TOP1: variants seen among roughly 807,000 people sequenced by gnomAD.
The protein encoded by TOP1 is DNA topoisomerase I.
Under a neutral mutation model 111.1 loss-of-function variants are expected in TOP1, and 10 were observed. The ratio of observed to expected loss-of-function variants is 0.09; its 90% CI spans 0.06 to 0.15. The LOEUF (loss-of-function observed/expected upper bound fraction) is 0.15. TOP1 is among the 10% of genes least tolerant of loss of function. The pLI is 1.00. For synonymous variants in TOP1, 271 were observed against 302.9 expected (o/e 0.89, Z 1.10); for missense variants, 474 against 926.7 (o/e 0.51, Z 6.34).
rs1408489568 is a variant in TOP1, at chr20:41,122,440, C to T, written c.2195+285C>T. Among the ~76,000 whole-genome samples, 1 of 151,478 alleles carries T rather than the reference C, an allele frequency of 6.6e-6. No homozygotes were observed. The highest frequency in any genetic ancestry group is 6.6e-5 in the Admixed American group (1 of 15,144). On this transcript the variant is annotated intron_variant, in intron 20 of 20. Transcript: ENST00000361337. This position sits in a 1 kb window ranked among gnomAD's most constrained non-coding sequence, Gnocchi z 5.4. ...CCCTATTCCTAATGGAACTTTAGGACAGGAATGGAAACTCTTAGCTTCTGG... is the reference window on the plus strand; with the variant it reads ...CCCTATTCCTAATGGAACTTTAGGATAGGAATGGAAACTCTTAGCTTCTGG...
rs1714586069 is a variant in TOP1 at position 41,112,547 on chromosome 20, G to T, written c.1309-235G>T. On this transcript the variant is annotated intron_variant, in intron 13 of 20. Coordinates refer to ENST00000361337, the MANE Select transcript of TOP1 (RefSeq NM_003286.4). This position sits in a 1 kb window ranked among gnomAD's most constrained non-coding sequence, Gnocchi z 5.8. ...CTATTCTTTTTTACGTTTGCTTAAGGTCAAGTTCCTGCTCTTTTGTTCAAA... is the reference window on the plus strand; with the variant it reads ...CTATTCTTTTTTACGTTTGCTTAAGTTCAAGTTCCTGCTCTTTTGTTCAAA... Among the ~76,000 whole-genome samples, 1 of 152,186 alleles carries T rather than the reference G, an allele frequency of 6.6e-6. No individual in the cohort carries two copies.
chr20:41,100,792 C>A lies in TOP1; in HGVS notation c.1164-417C>A, dbSNP rs1431369956. 6.0e-6 allele frequency: 1 copy of A among 168,052 alleles called. No homozygotes were observed. Among genetic ancestry groups the A allele is most frequent in the African/African-American group, 2.4e-5 (1 of 41,774 alleles). The allele number at this position is 168,052 out of a possible 1,614,324, so 10.4% of individuals were successfully genotyped here. A position where few individuals can be genotyped will look rare whatever the true frequency, so the allele number is the denominator to read the frequency against. On this transcript the variant is annotated intron_variant, in intron 12 of 20. Coordinates refer to ENST00000361337, the MANE Select transcript of TOP1 (RefSeq NM_003286.4). This position sits in a 1 kb window ranked among gnomAD's most constrained non-coding sequence, Gnocchi z 4.4. ...ACATCACCACTTTCACACTTTGGGG[C>A]CTTTATTAAGTAAAAGAAGGATTAC...
In TOP1 at chr20:41,100,047, G is replaced by A. The variant is rs1433514234; in HGVS notation, c.976-9G>A. ...AATCTATTTTGAGTACTTTCTTGCT[G>A]TCTTCCAGAAAATCAAAGAGGAGAA... On this transcript the variant is annotated splice_polypyrimidine_tract_variant and intron_variant, in intron 11 of 20. Coordinates refer to ENST00000361337, the MANE Select transcript of TOP1 (RefSeq NM_003286.4). The surrounding 1 kb of genome is among the most constrained non-coding windows in gnomAD (Gnocchi z 4.4). The A allele has an allele frequency of 7.5e-6, 12 of 1,598,412 alleles. No individual in the cohort carries two copies. The highest frequency in any genetic ancestry group is 1.7e-5 in the Admixed American group (1 of 59,498).
At chr20:41,064,415 C>T (rs911473858) in intron 3 of TOP1, among the ~76,000 whole-genome samples, 3 of 152,214 alleles carry the variant, frequency 2.0e-5, no homozygotes, top group Non-Finnish European at 4.4e-5. Context: ...TCTTCTTTGG[C>T]TTTAATGCTT....
At position 41,092,609 on chromosome 20, in the gene TOP1, G is replaced by A. The variant is rs2033933196; in HGVS notation, c.730+22G>A. 4.8e-6 allele frequency: 6 copies of A among 1,241,296 alleles called. No homozygotes were observed. The highest frequency in any genetic ancestry group is 6.9e-6 in the Non-Finnish European group (6 of 868,784). 76.9% of individuals were successfully genotyped at this position (1,241,296 alleles called of 1,614,324 possible). A position where few individuals can be genotyped will look rare whatever the true frequency, so the allele number is the denominator to read the frequency against. On this transcript the variant is annotated intron_variant, in intron 9 of 20. Coordinates refer to ENST00000361337, the MANE Select transcript of TOP1 (RefSeq NM_003286.4). The surrounding 1 kb of genome is among the most constrained non-coding windows in gnomAD (Gnocchi z 4.3). ...GATGGTGAGTTGTTTCAAGGTTCTT[G>A]ATTCTTGGCCAGGAAAAGAAATCTG...
intron 2 of TOP1, among the ~76,000 whole-genome samples, chr20:41,055,908 A>G (rs2033464693): frequency 6.6e-6 from 1 of 152,196 alleles, no homozygotes; most frequent in Non-Finnish European, 1.5e-5. Flanking sequence ...ATGCCCTCAC[A>G]TAATAACACA....
intron 3 of TOP1, among the ~76,000 whole-genome samples, chr20:41,062,909 TTTTC>T (rs990329082): frequency 2.0e-5 from 3 of 152,224 alleles, no homozygotes; most frequent in Admixed American, 1.3e-4. Flanking sequence ...GAATTTTCTC[TTTTC>T]TTTCTGTCTA....
rs1245664471 is a variant in TOP1 at position 41,034,882 on chromosome 20, A to C, written c.58+5427A>C. Among the ~76,000 whole-genome samples, 1 of 151,004 alleles carries C rather than the reference A, an allele frequency of 6.6e-6. No individual in the cohort carries two copies. Among genetic ancestry groups the C allele is most frequent in the African/African-American group, 2.4e-5 (1 of 40,990 alleles). ...CTTTTAATTTTAACTTCTTTCCTTT[A>C]CTTTTTTTTTGGGCGGGGTGGGGGG... On this transcript the variant is annotated intron_variant, in intron 2 of 20. Coordinates refer to ENST00000361337, the MANE Select transcript of TOP1 (RefSeq NM_003286.4). The surrounding 1 kb of genome is among the most constrained non-coding windows in gnomAD (Gnocchi z 4.0).
In TOP1 at chr20:41,094,418, A is replaced by C. The variant is rs2033958368; in HGVS notation, c.730+1831A>C. On this transcript the variant is annotated intron_variant, in intron 9 of 20. Transcript: ENST00000361337. The surrounding 1 kb of genome is among the most constrained non-coding windows in gnomAD (Gnocchi z 4.4). The stretch of plus-strand genomic sequence containing the variant: ...ACTTACCAAGAGCTTTAGGATGCTC[A>C]GCTGGTAAAGCCTCACTTTGAGGTT... Among the ~76,000 whole-genome samples the C allele has an allele frequency of 6.6e-6, 1 of 152,212 alleles. No homozygotes were observed. Among genetic ancestry groups the C allele is most frequent in the Non-Finnish European group, 1.5e-5 (1 of 68,036 alleles).
rs761486036 is a variant in TOP1, at chr20:41,030,772, A to G, written c.58+1317A>G. Among the ~76,000 whole-genome samples, 4 of 152,210 alleles carry G rather than the reference A, an allele frequency of 2.6e-5. No individual in the cohort carries two copies. The highest frequency in any genetic ancestry group is 4.4e-5 in the Non-Finnish European group (3 of 68,040). On this transcript the variant is annotated intron_variant, in intron 2 of 20. Coordinates refer to ENST00000361337, the MANE Select transcript of TOP1 (RefSeq NM_003286.4). The surrounding 1 kb of genome is among the most constrained non-coding windows in gnomAD (Gnocchi z 4.1). ...CTAATGTTGTAATCAGCAGTCCATC[A>G]TGTTAGCCTGCTCTACTGAGAGCAA...
At chr20:41,033,691 C>T (rs2033150383) in intron 2 of TOP1, among the ~76,000 whole-genome samples, 1 of 152,180 alleles carries the variant, frequency 6.6e-6, no homozygotes, top group Admixed American at 6.5e-5. Context: ...TCAGATTATA[C>T]TAAAACCATG....
rs151109468 is a variant in TOP1, at chr20:41,036,796, G to A, written c.58+7341G>A. On this transcript the variant is annotated intron_variant, in intron 2 of 20. Transcript: ENST00000361337. ...GTGTCTTCATATCTAGGTTTGGGCT[G>A]AGAAGGATCCAATTGTATATCTAGT... 2.2e-3 allele frequency among the ~76,000 whole-genome samples: 327 copies of A among 151,384 alleles called. 1 individual carries two copies. The highest frequency in any genetic ancestry group is 6.5e-3 in the African/African-American group (269 of 41,312).
At chr20:41,062,476 T>C (rs992176491) in intron 3 of TOP1, among the ~76,000 whole-genome samples, 2 of 152,224 alleles carry the variant, frequency 1.3e-5, no homozygotes, top group African/African-American at 2.4e-5. Flanking sequence ...CCCTCACTTA[T>C]CTCTTATCAC....
rs1177475205 is a variant in TOP1 at position 41,032,579 on chromosome 20, C to T, written c.58+3124C>T. Among the ~76,000 whole-genome samples the T allele has an allele frequency of 6.6e-6, 1 of 152,196 alleles. No individual in the cohort carries two copies. Among genetic ancestry groups the T allele is most frequent in the African/African-American group, 2.4e-5 (1 of 41,440 alleles). ...CAGAGGTCTTGAAGTTTTTGCCTGT[C>T]TGCTATGGAGATAGGGAGTTCTCCC... On this transcript the variant is annotated intron_variant, in intron 2 of 20. Coordinates refer to ENST00000361337, the MANE Select transcript of TOP1 (RefSeq NM_003286.4). The surrounding 1 kb of genome is among the most constrained non-coding windows in gnomAD (Gnocchi z 4.3).
intron 2 of TOP1, among the ~76,000 whole-genome samples, chr20:41,059,136 T>C (rs183516268): frequency 6.6e-6 from 1 of 151,920 alleles, no homozygotes; most frequent in Non-Finnish European, 1.5e-5. Flanking sequence ...CATGGACACA[T>C]GTAGGGGAAC....
chr20:41,093,220 A>G (rs1425373275), intron 9 of TOP1, among the ~76,000 whole-genome samples: 2 of 152,154 alleles, frequency 1.3e-5, no homozygotes, highest in Admixed American at 1.3e-4. Context: ...GAAGGATTTG[A>G]GGGTAGCCTT....
Position 41,118,772 on chromosome 20 carries a change from T to A in TOP1, c.1950+476T>A, listed in dbSNP as rs1426832219. 6.6e-6 allele frequency among the ~76,000 whole-genome samples: 1 copy of A among 152,230 alleles called. No homozygotes were observed. The highest frequency in any genetic ancestry group is 1.9e-4 in the East Asian group (1 of 5,202). On this transcript the variant is annotated intron_variant, in intron 18 of 20. Transcript: ENST00000361337. The surrounding 1 kb of genome is among the most constrained non-coding windows in gnomAD (Gnocchi z 4.6). ...TTACGCATTCCACATGAATCATATT[T>A]TTATATAGTTCATCATCAAACATCT...
chr20:41,110,420 TTGAC>T lies in TOP1; in HGVS notation c.1309-2358_1309-2355del, dbSNP rs1330454090. Among the ~76,000 whole-genome samples the T allele has an allele frequency of 6.6e-6, 1 of 152,206 alleles. No individual in the cohort carries two copies. Among genetic ancestry groups the T allele is most frequent in the Non-Finnish European group, 1.5e-5 (1 of 68,038 alleles). ...AGGATCAGTGGTTGCTTGGTGGAAA[TTGAC>T]TGAGAAGGGAAATAGTCATGTAAGA... On this transcript the variant is annotated intron_variant, in intron 13 of 20. Transcript: ENST00000361337. The surrounding 1 kb of genome is among the most constrained non-coding windows in gnomAD (Gnocchi z 4.2).
At chr20:41,066,843 C>T (rs540111300) in intron 3 of TOP1, among the ~76,000 whole-genome samples, 20 of 152,164 alleles carry the variant, frequency 1.3e-4, no homozygotes, top group African/African-American at 4.1e-4. Flanking sequence ...CGTGAGCCAC[C>T]GCGCCTGGCC....
Sources: gnomAD v4.1 joint callset for allele counts (sites outside exome capture counted in the v4.1 genomes callset) on GRCh38, gnomAD v4.1.1 for gene constraint, Gnocchi (gnomAD v3.1) non-coding constraint, MANE v1.5 for transcripts, NCBI Gene and HGNC (gene_info 2026-07-23, HGNC 2026-07-21) for gene names.